NXPE2: variants seen among roughly 807,000 people sequenced by gnomAD.
The protein encoded by NXPE2 is neurexophilin and PC-esterase domain family member 2.
Under a neutral mutation model 34.4 loss-of-function variants are expected in NXPE2, and 34 were observed. The observed-to-expected ratio is 0.99, with a 90% confidence interval of 0.75 to 1.31. NXPE2 has a LOEUF of 1.31. NXPE2 is among the 40% of genes most tolerant of loss of function. The pLI is 0.00. For missense variants in NXPE2, 649 were observed against 672.5 expected (o/e 0.97, Z 0.39); for synonymous variants, 235 against 231.3 (o/e 1.02, Z -0.15).
chr11:114,800,999 T>C, the NXPE2 span, among the ~76,000 whole-genome samples: 3 of 152,168 alleles, frequency 2.0e-5, no homozygotes, highest in Non-Finnish European at 4.4e-5. Flanking sequence ...ATTTTGTAGC[T>C]CTTGCGATCT....
chr11:114,583,868 C>T, the NXPE2 span: 1 of 392,056 alleles, frequency 2.6e-6, no homozygotes, highest in Admixed American at 3.3e-5. Context: ...AGAGTACTTC[C>T]CAGGAGATGG....
At chr11:114,639,629 A>G in the NXPE2 span, among the ~76,000 whole-genome samples, 2 of 146,232 alleles carry the variant, frequency 1.4e-5, no homozygotes, top group East Asian at 3.9e-4. Context: ...CCTATGTAAC[A>G]TATTACATAT....
the NXPE2 span, among the ~76,000 whole-genome samples, chr11:114,633,136 A>C: frequency 8.0e-6 from 1 of 125,420 alleles, no homozygotes; most frequent in East Asian, 2.3e-4. Flanking sequence ...TATATTTCAT[A>C]TATTATTTTA....
chr11:114,629,797 C>T, the NXPE2 span, among the ~76,000 whole-genome samples: 1 of 150,640 alleles, frequency 6.6e-6, no homozygotes, highest in African/African-American at 2.4e-5. Context: ...AAAATCTCCT[C>T]AAGCTGATAA....
the NXPE2 span, among the ~76,000 whole-genome samples, chr11:114,537,364 C>G: frequency 6.6e-6 from 1 of 152,154 alleles, no homozygotes; most frequent in African/African-American, 2.4e-5. Context: ...CCTTTGAAAA[C>G]TGGCACAAGA....
At chr11:114,665,191 T>C in the NXPE2 span, among the ~76,000 whole-genome samples, 1 of 152,154 alleles carries the variant, frequency 6.6e-6, no homozygotes, top group Non-Finnish European at 1.5e-5. Flanking sequence ...CTTAGCAAAA[T>C]ACAGAAAGTA....
chr11:114,637,818 T>A, the NXPE2 span, among the ~76,000 whole-genome samples: 1 of 152,050 alleles, frequency 6.6e-6, no homozygotes, highest in Non-Finnish European at 1.5e-5. Flanking sequence ...TTGTAGAGTT[T>A]CTGCCAAGAG....
the NXPE2 span, among the ~76,000 whole-genome samples, chr11:114,714,437 C>T: frequency 6.6e-6 from 1 of 152,162 alleles, no homozygotes; most frequent in African/African-American, 2.4e-5. Flanking sequence ...GACTTTTATA[C>T]AGGTGATAAA....
chr11:114,634,563 C>T, the NXPE2 span, among the ~76,000 whole-genome samples: 1 of 151,930 alleles, frequency 6.6e-6, no homozygotes, highest in Non-Finnish European at 1.5e-5. Flanking sequence ...AATGGTATTG[C>T]CTAGGTTTTC....
At chr11:114,670,211 G>A in the NXPE2 span, among the ~76,000 whole-genome samples, 1,957 of 151,968 alleles carry the variant, frequency 0.013, 30 homozygotes, top group African/African-American at 0.045. Context: ...TATCCATTAG[G>A]TATGATAACA....
chr11:114,724,132 A>G, the NXPE2 span, among the ~76,000 whole-genome samples: 2 of 152,170 alleles, frequency 1.3e-5, no homozygotes, highest in Non-Finnish European at 2.9e-5. Context: ...TATAGTCTCC[A>G]TTTGACAGAT....
At chr11:114,673,154 T>A in the NXPE2 span, among the ~76,000 whole-genome samples, 1 of 150,088 alleles carries the variant, frequency 6.7e-6, no homozygotes, top group Non-Finnish European at 1.5e-5. Flanking sequence ...GGAATGAAAT[T>A]AGAAATTGGT....
chr11:114,728,201 G>A, the NXPE2 span, among the ~76,000 whole-genome samples: 74 of 152,094 alleles, frequency 4.9e-4, no homozygotes, highest in Non-Finnish European at 3.5e-4. Flanking sequence ...TTGAAATTAC[G>A]TTAGCCTCAA....
the NXPE2 span, chr11:114,594,746 A>C: frequency 6.4e-7 from 1 of 1,552,908 alleles, no homozygotes; most frequent in Non-Finnish European, 8.8e-7. Context: ...ATAATTTATC[A>C]TACTTATTTT....
At chr11:114,775,486 G>A in the NXPE2 span, among the ~76,000 whole-genome samples, 1 of 152,198 alleles carries the variant, frequency 6.6e-6, no homozygotes, top group African/African-American at 2.4e-5. Flanking sequence ...AAGGGCTCCT[G>A]ACCACTCATC....
At chr11:114,645,697 TGAA>T in the NXPE2 span, among the ~76,000 whole-genome samples, 1 of 151,776 alleles carries the variant, frequency 6.6e-6, no homozygotes, top group Non-Finnish European at 1.5e-5. Flanking sequence ...AAAAGAAAAA[TGAA>T]GAAAAGACAT....
the NXPE2 span, among the ~76,000 whole-genome samples, chr11:114,660,076 T>C: frequency 6.6e-6 from 1 of 152,154 alleles, no homozygotes; most frequent in African/African-American, 2.4e-5. Flanking sequence ...AGACACAAAC[T>C]ACCAACATTC....
the NXPE2 span, among the ~76,000 whole-genome samples, chr11:114,634,506 G>C: frequency 2.0e-5 from 3 of 152,150 alleles, no homozygotes; most frequent in East Asian, 5.8e-4. Flanking sequence ...TGTTGCTATT[G>C]CTTTTGGTGT....
the NXPE2 span, among the ~76,000 whole-genome samples, chr11:114,656,064 A>C: frequency 6.6e-6 from 1 of 152,316 alleles, no homozygotes; most frequent in Admixed American, 6.5e-5. Context: ...TGAACTGATA[A>C]GCAACTTCAG....
Sources: allele counts gnomAD v4.1 joint callset (sites outside exome capture counted in the v4.1 genomes callset), GRCh38; gene constraint gnomAD v4.1.1; transcripts MANE v1.5; gene names NCBI Gene and HGNC (gene_info 2026-07-23, HGNC 2026-07-21).